WDR72: variants seen among roughly 807,000 people sequenced by gnomAD.
WDR72 encodes the protein WD repeat-containing protein 72.
A neutral mutation model predicts 124.2 loss-of-function variants in WDR72; 120 were observed. That is an observed-to-expected ratio of 0.97 (90% CI 0.83 to 1.12). The LOEUF (loss-of-function observed/expected upper bound fraction) is 1.12, where lower values mean the gene tolerates loss of function less well. Ranked by LOEUF, WDR72 falls within the 50% of genes most tolerant of loss-of-function variation. The pLI is 0.00. For missense variants in WDR72, 1,387 were observed against 1,278.8 expected (o/e 1.08, Z -1.29); for synonymous variants, 452 against 441.7 (o/e 1.02, Z -0.29).
At chr15:53,688,526 AAGG>A (rs1452007185) in intron 13 of WDR72, among the ~76,000 whole-genome samples, 1 of 152,160 alleles carries the variant, frequency 6.6e-6, no homozygotes, top group African/African-American at 2.4e-5. Context: ...GGACCTCTTC[AAGG>A]AGAACTACAA....
chr15:53,664,802 T>C (rs1387520652), intron 14 of WDR72, among the ~76,000 whole-genome samples: 3 of 152,024 alleles, frequency 2.0e-5, no homozygotes, highest in African/African-American at 7.3e-5. Context: ...ATACCAGCAA[T>C]GATAGACACA....
chr15:53,730,534 T>C (rs997109586), intron 2 of WDR72, among the ~76,000 whole-genome samples: 2 of 152,164 alleles, frequency 1.3e-5, no homozygotes, highest in Non-Finnish European at 2.9e-5. Flanking sequence ...CCTGATGTAT[T>C]CTCTTACCTA....
chr15:53,669,321 T>C (rs1042857817), intron 13 of WDR72, among the ~76,000 whole-genome samples: 41 of 152,248 alleles, frequency 2.7e-4, no homozygotes, highest in Non-Finnish European at 4.6e-4. Flanking sequence ...TAGCAGCTTC[T>C]TTGCCATTCA....
chr15:53,518,035 AT>A (rs144036204), intron 19 of WDR72, among the ~76,000 whole-genome samples: 16 of 151,190 alleles, frequency 1.1e-4, no homozygotes, highest in South Asian at 2.1e-4. Context: ...TAGCTTGGGG[AT>A]TTTTTTTTAA....
intron 14 of WDR72, among the ~76,000 whole-genome samples, chr15:53,622,447 TA>T (rs1047519997): frequency 1.3e-5 from 2 of 151,426 alleles, no homozygotes; most frequent in Admixed American, 6.6e-5. Context: ...TACACAGCCA[TA>T]AAAAAGAATG....
intron 18 of WDR72, among the ~76,000 whole-genome samples, chr15:53,537,398 C>G (rs907683980): frequency 1.4e-4 from 22 of 152,072 alleles, no homozygotes; most frequent in African/African-American, 4.8e-4. Context: ...GTTTTAGGGG[C>G]TCTTCTGAAA....
Position 53,719,390 on chromosome 15 carries a change from T to G in WDR72, c.261-2705A>C, listed in dbSNP as rs144482788. Among the ~76,000 whole-genome samples, 202 of 152,310 alleles carry G rather than the reference T, an allele frequency of 1.3e-3. 1 individual carries two copies. Among genetic ancestry groups the G allele is most frequent in the African/African-American group, 4.7e-3 (196 of 41,568 alleles). On this transcript the variant is annotated intron_variant, in intron 3 of 19. Coordinates refer to ENST00000360509, the MANE Select transcript of WDR72 (RefSeq NM_182758.4). ...CCTTATATTTCACTCTCTTCCTGGG[T>G]AAGTTATCTACTCCCCTGGCTTCAG...
chr15:53,709,205 T>G, intron 9 of WDR72, among the ~76,000 whole-genome samples: 1 of 152,196 alleles, frequency 6.6e-6, no homozygotes, highest in Non-Finnish European at 1.5e-5. Flanking sequence ...CTAGTGATGT[T>G]TGAATAAGGG....
At chr15:53,730,559 G>C (rs690489) in intron 2 of WDR72, among the ~76,000 whole-genome samples, 9,394 of 152,076 alleles carry the variant, frequency 0.062, 992 homozygotes, top group African/African-American at 0.22. Context: ...CTTTTGGAGG[G>C]GGAAAGAACT....
chr15:53,731,740 T>C (rs983255562), intron 2 of WDR72, among the ~76,000 whole-genome samples: 1 of 152,042 alleles, frequency 6.6e-6, no homozygotes, highest in African/African-American at 2.4e-5. Context: ...TGTACTGCAC[T>C]GTAACCTCCT....
At chr15:53,625,353 G>A (rs1370999894) in intron 14 of WDR72, among the ~76,000 whole-genome samples, 10 of 152,134 alleles carry the variant, frequency 6.6e-5, no homozygotes, top group Admixed American at 3.3e-4. Context: ...TCATAGACAA[G>A]GTCCTGGTAT....
Position 53,616,051 on chromosome 15 carries a change from T to C in WDR72, c.2155A>G (p.Thr719Ala), listed in dbSNP as rs756905713. Residue 719 changes from threonine (T) to alanine (A), a missense_variant, in exon 15 of 20, where the codon ACA becomes GCA. Thr to Ala is a moderately conservative substitution (Grantham distance 58, BLOSUM62 0). Transcript: ENST00000360509. The part of the protein sequence containing the change: ...GGEVLRRAKS[T>A]VEKKTLTLRK... The stretch of plus-strand genomic sequence containing the variant: ...AGTGTCAGTGTCTTCTTCTCCACTG[T>C]GCTCTTGGCTCTTCTCAGGACCTCA... 2.5e-6 allele frequency: 4 copies of C among 1,612,162 alleles called. No individual in the cohort carries two copies. The highest frequency in any genetic ancestry group is 2.5e-6 in the Non-Finnish European group (3 of 1,178,868).
intron 18 of WDR72, among the ~76,000 whole-genome samples, chr15:53,542,628 A>G (rs1214668489): frequency 2.2e-4 from 4 of 18,028 alleles, no homozygotes. Context: ...GACAGGATCA[A>G]ATTCACACAT....
chr15:53,745,277 G>A (rs184012088), intron 1 of WDR72, among the ~76,000 whole-genome samples: 176 of 152,224 alleles, frequency 1.2e-3, no homozygotes, highest in African/African-American at 4.1e-3. Context: ...ACTGGATGAG[G>A]CAATGAATCA....
At chr15:53,701,012 G>C (rs925284039) in intron 12 of WDR72, among the ~76,000 whole-genome samples, 1 of 152,064 alleles carries the variant, frequency 6.6e-6, no homozygotes, top group Non-Finnish European at 1.5e-5. Context: ...CCAATTAACT[G>C]ACTTAAAAAA....
chr15:53,518,652 A>AT (rs1453005342), intron 19 of WDR72, among the ~76,000 whole-genome samples: 2 of 151,122 alleles, frequency 1.3e-5, no homozygotes, highest in Non-Finnish European at 3.0e-5. Context: ...CACATTCCAC[A>AT]TTTTTTCTGC....
At chr15:53,562,595 C>T (rs1325301228) in intron 18 of WDR72, among the ~76,000 whole-genome samples, 1 of 151,574 alleles carries the variant, frequency 6.6e-6, no homozygotes, top group African/African-American at 2.4e-5. Context: ...TTACAAATTT[C>T]CTCAAATCAT....
intron 14 of WDR72, among the ~76,000 whole-genome samples, chr15:53,626,800 C>G (rs2014229510): frequency 6.6e-6 from 1 of 152,198 alleles, no homozygotes; most frequent in Admixed American, 6.5e-5. Flanking sequence ...TGGTCACCAT[C>G]CCAGCTAGGC....
chr15:53,635,980 G>A (rs923722792), intron 14 of WDR72, among the ~76,000 whole-genome samples: 8 of 152,086 alleles, frequency 5.3e-5, no homozygotes, highest in African/African-American at 1.9e-4. Flanking sequence ...AACAATCAAA[G>A]CTCCAAGCAA....
Sources: allele counts gnomAD v4.1 joint callset (sites outside exome capture counted in the v4.1 genomes callset), GRCh38; gene constraint gnomAD v4.1.1; transcripts MANE v1.5; gene names NCBI Gene and HGNC (gene_info 2026-07-23, HGNC 2026-07-21).